ZRANB2: variants seen among roughly 807,000 people sequenced by gnomAD.
ZRANB2 encodes the protein zinc finger RANBP2-type containing 2.
ZRANB2 carries 19 observed loss-of-function variants against 53.4 expected under a neutral mutation model. The observed-to-expected ratio is 0.36, with a 90% CI of 0.25 to 0.52. The LOEUF is 0.52. Among genes scored for constraint, ZRANB2 ranks in the 20% least tolerant of loss-of-function variants. The pLI, the probability that ZRANB2 is intolerant of heterozygous loss-of-function variation, is 0.93. For synonymous variants in ZRANB2, 145 were observed against 134.8 expected, an observed-to-expected ratio of 1.08 and a Z score of -0.52; for missense variants, 309 against 401.1, an observed-to-expected ratio of 0.77 and a Z score of 1.96.
rs766338145 is a variant in ZRANB2, at chr1:71,066,861, CAGG to C, written c.841_843del (p.Pro281del). Reference sequence around the variant, plus strand: ...GAACGACTTCTCTTTCTGTTCCTCTCAGGAGAAGATGATGAACTTGAATAAGAT... The same window carrying C: ...GAACGACTTCTCTTTCTGTTCCTCTCAGAAGATGATGAACTTGAATAAGAT... On this transcript the variant is annotated inframe_deletion, in exon 9 of 10. Transcript: ENST00000370920. 3.0e-5 allele frequency: 49 copies of C among 1,612,338 alleles called. No homozygotes were observed. The highest frequency in any genetic ancestry group is 5.0e-5 in the Admixed American group (3 of 59,816).
At chr1:71,080,841 T>TAAATCATAAAA (rs1322686366) in intron 1 of ZRANB2, 99 bp downstream of exon 1, 1 of 1,437,340 alleles carries the variant, frequency 7.0e-7, no homozygotes, top group East Asian at 2.3e-5. Context: ...CAACCCGTCT[T>TAAATCATAAAA]AAGGCACAGA....
rs1661763388 is a variant in ZRANB2 at position 71,078,559 on chromosome 1, GT to G, written c.115del (p.Thr39GlnfsTer6). On this transcript the variant is annotated frameshift_variant, in exon 3 of 10. Coordinates refer to ENST00000370920, the MANE Select transcript of ZRANB2 (RefSeq NM_203350.3). LOFTEE classifies it high-confidence loss of function. ...AGCTTTCATCATCTTGGCCTCAGTT[GT>G]TTTCTCTGAAAACAGAAAAATCATG... ...TSCNRCGREK[T>X]TEAKMMKAGG... 1 of 1,613,664 alleles carries G rather than the reference GT, an allele frequency of 6.2e-7. No homozygotes were observed. Among genetic ancestry groups the G allele is most frequent in the African/African-American group, 1.3e-5 (1 of 74,862 alleles).
In ZRANB2 at chr1:71,076,831, T is replaced by C. The variant is rs1048616818; in HGVS notation, c.265A>G (p.Asn89Asp). 1 of 1,612,314 alleles carries C rather than the reference T, an allele frequency of 6.2e-7. No homozygotes were observed. Among genetic ancestry groups the C allele is most frequent in the African/African-American group, 1.3e-5 (1 of 74,884 alleles). The change falls in exon 4 of 10, where the codon AAT becomes GAT. Residue 89 changes from asparagine (N) to aspartate (D), a missense_variant. Asn to Asp is a conservative substitution (Grantham distance 23, BLOSUM62 1). Coordinates refer to ENST00000370920, the MANE Select transcript of ZRANB2 (RefSeq NM_203350.3). ...WARRSECNMCNTPKYAKLEER... is the reference protein window; with the variant it reads ...WARRSECNMCDTPKYAKLEER... ...TCTAATTTAGCATACTTTGGAGTATTACACATATTACACTCTGATCTTCTG... is the reference window on the plus strand; with the variant it reads ...TCTAATTTAGCATACTTTGGAGTATCACACATATTACACTCTGATCTTCTG...
At chr1:71,065,509 G>A (rs938216079) in intron 9 of ZRANB2, among the ~76,000 whole-genome samples, 4 of 152,112 alleles carry the variant, frequency 2.6e-5, no homozygotes, top group Admixed American at 6.5e-5. Context: ...CCTGTGACAC[G>A]GTGTAGAAAG....
chr1:71,075,195 A>T (rs897025839), intron 4 of ZRANB2, among the ~76,000 whole-genome samples: 1 of 152,224 alleles, frequency 6.6e-6, no homozygotes, highest in Non-Finnish European at 1.5e-5. Context: ...AAAAACATGT[A>T]GAAACCAGCT....
intron 6 of ZRANB2, among the ~76,000 whole-genome samples, 196 bp downstream of exon 6, chr1:71,071,925 G>A (rs780934881): frequency 5.9e-5 from 9 of 151,894 alleles, no homozygotes; most frequent in Admixed American, 2.0e-4. Flanking sequence ...GTTCTGTTTC[G>A]GTCACCACTG....
intron 4 of ZRANB2, among the ~76,000 whole-genome samples, chr1:71,075,405 G>A (rs1360893683): frequency 6.6e-6 from 1 of 152,102 alleles, no homozygotes; most frequent in Non-Finnish European, 1.5e-5. Flanking sequence ...GGTCCCAGGG[G>A]TAAAATCACA....
At chr1:71,067,972 G>A (rs1661491626) in intron 8 of ZRANB2, among the ~76,000 whole-genome samples, 1 of 151,600 alleles carries the variant, frequency 6.6e-6, no homozygotes, top group Non-Finnish European at 1.5e-5. Context: ...AATCTCCAGG[G>A]CTCCAGTGAT....
Position 71,069,192 on chromosome 1 carries a change from A to C in ZRANB2, c.770+84T>G. 2.6e-6 allele frequency: 3 copies of C among 1,149,412 alleles called. No homozygotes were observed. In the South Asian group the frequency reaches 4.9e-5, roughly 19 times the overall value. 71.2% of individuals were successfully genotyped at this position (1,149,412 alleles called of 1,614,324 possible). A position where few individuals can be genotyped will look rare whatever the true frequency, so the allele number is the denominator to read the frequency against. On this transcript the variant is annotated intron_variant, in intron 8 of 9. Coordinates refer to ENST00000370920, the MANE Select transcript of ZRANB2 (RefSeq NM_203350.3). The stretch of plus-strand genomic sequence containing the variant: ...AATAAAATCGACAAGTAGAAGCAAA[A>C]TAAGGGGAAAAAAAGCAGCAACACC...
intron 8 of ZRANB2, among the ~76,000 whole-genome samples, chr1:71,068,819 T>C (rs1661526014): frequency 6.6e-6 from 1 of 151,222 alleles, no homozygotes; most frequent in Non-Finnish European, 1.5e-5. Flanking sequence ...TTTGAGACAC[T>C]CCTCTGTCAC....
rs926394487 is a variant in ZRANB2 at position 71,064,517 on chromosome 1, G to A, written c.*557C>T. ...AAATGTGGAGCAAAAAAGTAAAGCT[G>A]GATAAAAGAGACACAATGATTCTAA... On this transcript the variant is annotated 3_prime_UTR_variant, in exon 10 of 10. Coordinates refer to ENST00000370920, the MANE Select transcript of ZRANB2 (RefSeq NM_203350.3). 6.6e-6 allele frequency: 1 copy of A among 152,434 alleles called. No homozygotes were observed. Among genetic ancestry groups the A allele is most frequent in the Non-Finnish European group, 1.5e-5 (1 of 67,908 alleles). The allele number at this position is 152,434 out of a possible 1,614,324, so 9.4% of individuals were successfully genotyped here. A position where few individuals can be genotyped will look rare whatever the true frequency, so the allele number is the denominator to read the frequency against.
intron 7 of ZRANB2, among the ~76,000 whole-genome samples, chr1:71,070,235 A>G (rs1661564670): frequency 6.7e-6 from 1 of 150,006 alleles, no homozygotes; most frequent in Admixed American, 6.7e-5. Context: ...TTTTATTTTT[A>G]TTGTTAACTA....
chr1:71,077,429 ATTAAT>A (rs1481996789), intron 3 of ZRANB2, among the ~76,000 whole-genome samples: 6 of 152,188 alleles, frequency 3.9e-5, no homozygotes, highest in Non-Finnish European at 8.8e-5. Flanking sequence ...TATAAATAAT[ATTAAT>A]TTATTTTTTT....
chr1:71,075,481 G>A (rs1661688381), intron 4 of ZRANB2, among the ~76,000 whole-genome samples: 2 of 152,090 alleles, frequency 1.3e-5, no homozygotes, highest in Admixed American at 6.6e-5. Flanking sequence ...CTGGATATAT[G>A]GGTCAAAGAA....
At position 71,064,877 on chromosome 1, in the gene ZRANB2, T is replaced by C; in HGVS notation, c.*197A>G. The C allele has an allele frequency of 1.1e-5, 5 of 451,966 alleles. No individual in the cohort carries two copies. The highest frequency in any genetic ancestry group is 2.0e-5 in the Non-Finnish European group (5 of 248,252). The allele number at this position is 451,966 out of a possible 1,614,324, so 28.0% of individuals were successfully genotyped here. A position where few individuals can be genotyped will look rare whatever the true frequency, so the allele number is the denominator to read the frequency against. On this transcript the variant is annotated 3_prime_UTR_variant, in exon 10 of 10. Coordinates refer to ENST00000370920, the MANE Select transcript of ZRANB2 (RefSeq NM_203350.3). ...TAAATAATGAATGACAGAACATCTA[T>C]TTTGGGACATTATGGCTTAAAATGC...
chr1:71,070,007 A>G (rs1044996467), intron 7 of ZRANB2, among the ~76,000 whole-genome samples: 10 of 152,160 alleles, frequency 6.6e-5, no homozygotes, highest in Non-Finnish European at 1.0e-4. Context: ...AAAGATCACT[A>G]TATTTTTACC....
At chr1:71,067,077 A>C (rs922210187) in intron 8 of ZRANB2, 143 bp from the exon 9 acceptor site, 1 of 693,842 alleles carries the variant, frequency 1.4e-6, no homozygotes, top group Non-Finnish European at 2.2e-6. Context: ...CTGCTTATTC[A>C]ACAGAAGACT....
rs375947881 is a variant in ZRANB2 at position 71,069,406 on chromosome 1, T to C, written c.684-44A>G. ...ATTTTTTTTTTCCAGGACCATTTAA[T>C]TGAGCTTTGTGATATGAACACTGAA... On this transcript the variant is annotated intron_variant, in intron 7 of 9. Transcript: ENST00000370920. 5.4e-5 allele frequency: 80 copies of C among 1,485,710 alleles called. 1 individual carries two copies. The African/African-American group carries it at 6.0e-4, about 11-fold the overall frequency. The allele number at this position is 1,485,710 out of a possible 1,614,324, so 92.0% of individuals were successfully genotyped here.
Position 71,066,860 on chromosome 1 carries a change from T to C in ZRANB2, c.845A>G (p.Glu282Gly). ...RSYSSSSSSP[E>G]RNRKRSRSRS... ...AGAACGACTTCTCTTTCTGTTCCTC[T>C]CAGGAGAAGATGATGAACTTGAATA... Residue 282 changes from glutamate to glycine, a missense_variant, in exon 9 of 10, where the codon GAG becomes GGG. By Grantham distance (98) the Glu-to-Gly change is moderately conservative. Around this residue, in one of 3 missense-constraint regions of ZRANB2, gnomAD observed 211 missense variants for 196.1 expected, o/e 1.08. Coordinates refer to ENST00000370920, the MANE Select transcript of ZRANB2 (RefSeq NM_203350.3). 2 of 1,612,470 alleles carry C rather than the reference T, an allele frequency of 1.2e-6. No homozygotes were observed. The highest frequency in any genetic ancestry group is 1.7e-6 in the Non-Finnish European group (2 of 1,179,476).
Sources: gnomAD v4.1 joint callset for allele counts (sites outside exome capture counted in the v4.1 genomes callset) on GRCh38, gnomAD v4.1.1 for gene constraint, gnomAD v4.1.1 regional missense constraint, MANE v1.5 for transcripts, NCBI Gene and HGNC (gene_info 2026-07-23, HGNC 2026-07-21) for gene names.